Variants in CACNA1E observed in about 807,000 individuals in gnomAD.
CACNA1E encodes the protein calcium voltage-gated channel subunit alpha1 E, also known as voltage-dependent R-type calcium channel subunit alpha-1E.
CACNA1E carries 40 observed loss-of-function variants against 259.2 expected under a neutral mutation model. That is an observed-to-expected ratio of 0.15 (90% CI 0.12 to 0.20). The LOEUF is 0.20. CACNA1E is among the 10% of genes least tolerant of loss of function. The pLI is 1.00. For missense variants in CACNA1E, 1,874 were observed against 3,040.1 expected (o/e 0.62, Z 9.02); for synonymous variants, 1,104 against 1,138.5 (o/e 0.97, Z 0.61).
chr1:181,527,619 T>C (rs1486807409), intron 3 of CACNA1E, among the ~76,000 whole-genome samples: 4 of 152,240 alleles, frequency 2.6e-5, no homozygotes, highest in Admixed American at 6.5e-5. Flanking sequence ...GGCTGATATA[T>C]ATGGTCTTCT....
chr1:181,792,170 G>T (rs560744063), intron 44 of CACNA1E, among the ~76,000 whole-genome samples: 1 of 151,970 alleles, frequency 6.6e-6, no homozygotes, highest in Admixed American at 6.5e-5. Flanking sequence ...CCTGCCTGGC[G>T]ATGTGTCTAG....
At chr1:181,739,016 T>C (rs1656317144) in intron 24 of CACNA1E, 131 bp from the exon 25 acceptor site, 2 of 718,890 alleles carry the variant, frequency 2.8e-6, no homozygotes, top group Non-Finnish European at 2.5e-6. Context: ...TAACCTCTCA[T>C]TCTCCAGGTC....
At chr1:181,641,955 G>A (rs1432809228) in intron 6 of CACNA1E, among the ~76,000 whole-genome samples, 5 of 151,936 alleles carry the variant, frequency 3.3e-5, no homozygotes, top group Admixed American at 1.3e-4. Context: ...CTTGTGATCC[G>A]CTTGCCTCTG....
At chr1:181,402,902 C>CT (rs1196976294) in intron 1 of CACNA1E, among the ~76,000 whole-genome samples, 1 of 152,202 alleles carries the variant, frequency 6.6e-6, no homozygotes, top group Admixed American at 6.5e-5. Context: ...GTGTTACTAG[C>CT]TATGTGACCT....
At chr1:181,479,329 A>G (rs1193351513), upstream of CACNA1E, among the ~76,000 whole-genome samples, 1 of 152,192 alleles carries the variant, frequency 6.6e-6, no homozygotes, top group Non-Finnish European at 1.5e-5. Context: ...GTGCTCAGTG[A>G]CCAGTAGATG....
chr1:181,359,457 G>A (rs532121511), intron 1 of CACNA1E, among the ~76,000 whole-genome samples: 1 of 152,340 alleles, frequency 6.6e-6, no homozygotes, highest in South Asian at 2.1e-4. Flanking sequence ...AACATGGCAT[G>A]GATATGGGGC....
chr1:181,533,012 T>A (rs557590351), intron 3 of CACNA1E, among the ~76,000 whole-genome samples: 1 of 152,246 alleles, frequency 6.6e-6, no homozygotes, highest in South Asian at 2.1e-4. Context: ...CTCTCAGTAT[T>A]TGAGACTTCT....
At chr1:181,653,466 C>T (rs1022145241) in intron 7 of CACNA1E, among the ~76,000 whole-genome samples, 6 of 152,290 alleles carry the variant, frequency 3.9e-5, no homozygotes, top group East Asian at 1.9e-4. Flanking sequence ...TCCCCAGCCA[C>T]GTGGAACTGT....
intron 6 of CACNA1E, among the ~76,000 whole-genome samples, chr1:181,635,033 C>T (rs1176624993): frequency 6.6e-6 from 1 of 152,202 alleles, no homozygotes; most frequent in African/African-American, 2.4e-5. Flanking sequence ...GAGGACACAC[C>T]CCAGCACCTC....
chr1:181,370,150 T>A (rs1487670682), intron 1 of CACNA1E, among the ~76,000 whole-genome samples: 1 of 152,160 alleles, frequency 6.6e-6, no homozygotes, highest in East Asian at 1.9e-4. Flanking sequence ...TAAAATACAA[T>A]GAACCCTGAA....
intron 3 of CACNA1E, among the ~76,000 whole-genome samples, chr1:181,553,687 A>T (rs1444120941): frequency 2.6e-5 from 4 of 152,154 alleles, no homozygotes; most frequent in African/African-American, 9.7e-5. Context: ...ATCAATACCT[A>T]GTTTATTGAG....
chr1:181,527,542 AC>A (rs1001388572), intron 3 of CACNA1E, among the ~76,000 whole-genome samples: 5 of 152,212 alleles, frequency 3.3e-5, no homozygotes, highest in African/African-American at 1.2e-4. Context: ...AGCTACACTC[AC>A]TTGATAATAT....
chr1:181,473,309 G>GA (rs929699518), intron 2 of CACNA1E, among the ~76,000 whole-genome samples: 1 of 152,144 alleles, frequency 6.6e-6, no homozygotes, highest in African/African-American at 2.4e-5. Context: ...GCCATTCATT[G>GA]AAAAACAAGT....
intron 5 of CACNA1E, among the ~76,000 whole-genome samples, chr1:181,579,862 C>G (rs1233476906): frequency 6.6e-6 from 1 of 152,192 alleles, no homozygotes. Flanking sequence ...TCTTCTCGCT[C>G]TCTGTTTTGA....
At chr1:181,679,508 G>A (rs1341522522) in intron 7 of CACNA1E, among the ~76,000 whole-genome samples, 1 of 152,208 alleles carries the variant, frequency 6.6e-6, no homozygotes, top group Non-Finnish European at 1.5e-5. Flanking sequence ...AGGACATAAT[G>A]CCAGGGAGCT....
rs150648366 is a variant in CACNA1E, at chr1:181,397,961, C to T, written c.-14-15172C>T. On this transcript the variant is annotated intron_variant, in intron 1 of 11. Transcript: ENST00000524607. ...TCGCCTTTTTGCAGAGACAGATGCT[C>T]CTGTAACAGGAACAAATCAATTAGC... 5.6e-3 allele frequency among the ~76,000 whole-genome samples: 859 copies of T among 152,348 alleles called. 14 individuals are homozygous for T. The highest frequency in any genetic ancestry group is 0.019 in the African/African-American group (803 of 41,570).
chr1:181,702,930 C>T (rs1652419337), intron 7 of CACNA1E, among the ~76,000 whole-genome samples: 1 of 152,106 alleles, frequency 6.6e-6, no homozygotes, highest in African/African-American at 2.4e-5. Flanking sequence ...TTGTTTTTCT[C>T]CTGCAGTATA....
At chr1:181,733,056 C>A (rs1655667495) in intron 20 of CACNA1E, 22 bp downstream of exon 20, 1 of 1,557,052 alleles carries the variant, frequency 6.4e-7, no homozygotes, top group African/African-American at 1.4e-5. Flanking sequence ...ACAGGGCTCC[C>A]AGATGGATGG....
chr1:181,455,296 T>C (rs1661390338), intron 2 of CACNA1E, among the ~76,000 whole-genome samples: 2 of 152,118 alleles, frequency 1.3e-5, no homozygotes, highest in African/African-American at 4.8e-5. Flanking sequence ...GGAGCAATTT[T>C]TGAGGAGTGG....
Sources: allele counts gnomAD v4.1 joint callset (sites outside exome capture counted in the v4.1 genomes callset), GRCh38; gene constraint gnomAD v4.1.1; transcripts MANE v1.5; gene names NCBI Gene and HGNC (gene_info 2026-07-23, HGNC 2026-07-21).